Variants in SLC35F1 observed in about 807,000 individuals in gnomAD.
SLC35F1 encodes the protein chromosome 6 open reading frame 169.
A neutral mutation model predicts 48.7 loss-of-function variants in SLC35F1; 14 were observed. The observed-to-expected ratio is 0.29, with a 90% confidence interval of 0.19 to 0.45. The LOEUF (loss-of-function observed/expected upper bound fraction) is 0.45, where lower values mean the gene tolerates loss of function less well. Ranked by LOEUF, SLC35F1 falls within the 20% of genes least tolerant of loss-of-function variation. SLC35F1 has a pLI of 1.00. For missense variants in SLC35F1, 404 were observed against 500.0 expected (o/e 0.81, Z 1.83); for synonymous variants, 190 against 202.2 (o/e 0.94, Z 0.51).
At chr6:118,088,239 G>C (rs959342196) in intron 1 of SLC35F1, among the ~76,000 whole-genome samples, 1 of 152,196 alleles carries the variant, frequency 6.6e-6, no homozygotes, top group Non-Finnish European at 1.5e-5. Context: ...TTATGGTGAA[G>C]TATCCTTTTA....
intron 1 of SLC35F1, among the ~76,000 whole-genome samples, chr6:118,082,430 A>G (rs1562284307): frequency 6.6e-6 from 1 of 152,178 alleles, no homozygotes; most frequent in Non-Finnish European, 1.5e-5. Context: ...ACAGGCCTGG[A>G]GTTTATCACT....
intron 1 of SLC35F1, among the ~76,000 whole-genome samples, chr6:118,121,373 A>G (rs1773551079): frequency 6.6e-6 from 1 of 152,206 alleles, no homozygotes; most frequent in Non-Finnish European, 1.5e-5. Context: ...GCTCTATCTA[A>G]TCTTCATAGA....
chr6:118,244,523 G>A (rs1775483207), intron 3 of SLC35F1, among the ~76,000 whole-genome samples: 2 of 152,354 alleles, frequency 1.3e-5, no homozygotes, highest in Admixed American at 6.5e-5. Context: ...AGTAACTTTG[G>A]CAAAGCCATT....
chr6:118,131,789 T>TATTAC (rs1049229857), intron 1 of SLC35F1, among the ~76,000 whole-genome samples: 4 of 151,470 alleles, frequency 2.6e-5, no homozygotes, highest in African/African-American at 9.7e-5. Context: ...AATTATATTA[T>TATTAC]ATTATTTGCA....
chr6:118,099,654 A>G (rs1773228991), intron 1 of SLC35F1, among the ~76,000 whole-genome samples: 1 of 152,130 alleles, frequency 6.6e-6, no homozygotes, highest in African/African-American at 2.4e-5. Flanking sequence ...AGTAACCCCA[A>G]GGTTAAAAAT....
chr6:118,252,642 T>A (rs183986), intron 3 of SLC35F1, among the ~76,000 whole-genome samples: 2 of 152,254 alleles, frequency 1.3e-5, no homozygotes, highest in African/African-American at 4.8e-5. Context: ...TGGATGTCAT[T>A]CTCATATAGA....
intron 7 of SLC35F1, among the ~76,000 whole-genome samples, chr6:118,299,943 C>A (rs999512324): frequency 5.3e-5 from 8 of 152,152 alleles, no homozygotes; most frequent in Admixed American, 1.3e-4. Context: ...AATAGTACTT[C>A]TCTCATTAAT....
At chr6:118,005,434 A>G (rs1041792597) in intron 1 of SLC35F1, among the ~76,000 whole-genome samples, 2 of 152,114 alleles carry the variant, frequency 1.3e-5, no homozygotes, top group South Asian at 4.1e-4. Context: ...GATGTTACCC[A>G]AACTGTTTAA....
intron 4 of SLC35F1, among the ~76,000 whole-genome samples, chr6:118,274,268 C>G (rs563290956): frequency 7.2e-5 from 11 of 152,322 alleles, no homozygotes; most frequent in Non-Finnish European, 1.0e-4. Context: ...GCCACTCTAG[C>G]TGCTTATTTC....
At chr6:117,959,131 C>T (rs549117736) in intron 1 of SLC35F1, among the ~76,000 whole-genome samples, 136 of 152,284 alleles carry the variant, frequency 8.9e-4, no homozygotes, top group Non-Finnish European at 1.7e-3. Flanking sequence ...TGAGGATATT[C>T]AAAGGGCTGT....
At chr6:117,940,025 T>G (rs1234251717) in intron 1 of SLC35F1, among the ~76,000 whole-genome samples, 4 of 152,204 alleles carry the variant, frequency 2.6e-5, no homozygotes, top group Non-Finnish European at 5.9e-5. Flanking sequence ...TAAGGCAGCC[T>G]TTACCTTGCT....
At chr6:117,923,775 G>T (rs1446248650) in intron 1 of SLC35F1, among the ~76,000 whole-genome samples, 1 of 96,680 alleles carries the variant, frequency 1.0e-5, no homozygotes, top group Non-Finnish European at 2.1e-5. Context: ...ACATACATAT[G>T]TATATATACA....
intron 2 of SLC35F1, among the ~76,000 whole-genome samples, chr6:118,174,406 T>TA (rs1400604793): frequency 6.6e-6 from 1 of 151,444 alleles, no homozygotes; most frequent in African/African-American, 2.4e-5. Context: ...ATGCTACAAA[T>TA]AAAAAACACA....
At chr6:117,937,336 G>C (rs999928679) in intron 1 of SLC35F1, among the ~76,000 whole-genome samples, 10 of 152,204 alleles carry the variant, frequency 6.6e-5, no homozygotes, top group Non-Finnish European at 1.3e-4. Context: ...ACATTGCAGG[G>C]ACTGCGTGGT....
chr6:117,988,472 A>G (rs1776875997), intron 1 of SLC35F1, among the ~76,000 whole-genome samples: 1 of 152,242 alleles, frequency 6.6e-6, no homozygotes, highest in South Asian at 2.1e-4. Context: ...CAAAACTCTC[A>G]AATCTCCTGG....
chr6:118,164,815 G>C (rs1410860683), intron 2 of SLC35F1, among the ~76,000 whole-genome samples: 1 of 152,200 alleles, frequency 6.6e-6, no homozygotes, highest in Non-Finnish European at 1.5e-5. Context: ...CTGGATGCCA[G>C]AGTAGGCACA....
intron 1 of SLC35F1, among the ~76,000 whole-genome samples, chr6:117,930,794 G>T (rs1490861207): frequency 6.6e-6 from 1 of 152,124 alleles, no homozygotes; most frequent in African/African-American, 2.4e-5. Context: ...GATTTCTGTT[G>T]CAGTGGGCAC....
chr6:118,296,033 C>A (rs185657282), intron 7 of SLC35F1, among the ~76,000 whole-genome samples: 416 of 152,268 alleles, frequency 2.7e-3, no homozygotes, highest in Non-Finnish European at 4.8e-3. Flanking sequence ...CATTTCCATG[C>A]AGCCATTCAG....
intron 3 of SLC35F1, among the ~76,000 whole-genome samples, chr6:118,255,201 ATCCTGGC>A (rs1313939927): frequency 6.6e-6 from 1 of 152,170 alleles, no homozygotes; most frequent in Non-Finnish European, 1.5e-5. Flanking sequence ...CTGTGATCAC[ATCCTGGC>A]TCTGACATTG....
Sources: allele counts gnomAD v4.1 joint callset (sites outside exome capture counted in the v4.1 genomes callset), GRCh38; gene constraint gnomAD v4.1.1; transcripts MANE v1.5; gene names NCBI Gene and HGNC (gene_info 2026-07-23, HGNC 2026-07-21).